Variants in PAX5 observed in about 807,000 individuals in gnomAD.
PAX5 encodes paired box protein Pax-5.
A neutral mutation model predicts 43.7 loss-of-function variants in PAX5; 9 were observed. That is an observed-to-expected ratio of 0.21 (90% CI 0.12 to 0.36). The LOEUF is 0.36. Among genes scored for constraint, PAX5 ranks in the 10% least tolerant of loss-of-function variants. The probability of loss-of-function intolerance (pLI) is 1.00; values close to 1 mark genes in which losing one functional copy is unlikely to be tolerated. For synonymous variants in PAX5, 228 were observed against 214.3 expected (o/e 1.06, Z -0.56); for missense variants, 383 against 532.7 (o/e 0.72, Z 2.77).
At chr9:36,875,412 G>A (rs371122044) in intron 8 of PAX5, among the ~76,000 whole-genome samples, 26 of 152,310 alleles carry the variant, frequency 1.7e-4, no homozygotes, top group South Asian at 8.3e-4. Flanking sequence ...AAGAGAAGCC[G>A]GAGGGGAACG....
chr9:36,843,080 CTGTGTGTGTGTGCG>C (rs926981786), intron 9 of PAX5, among the ~76,000 whole-genome samples: 4 of 150,010 alleles, frequency 2.7e-5, no homozygotes, highest in South Asian at 4.3e-4. Context: ...GTGTGTGTGC[CTGTGTGTGTGTGCG>C]TGTGTGTGTG....
In PAX5 at chr9:36,876,639, T is replaced by C. The variant is rs572475493; in HGVS notation, c.1012+5365A>G. On this transcript the variant is annotated intron_variant, in intron 8 of 9. Coordinates refer to ENST00000358127, the MANE Select transcript of PAX5 (RefSeq NM_016734.3). The stretch of plus-strand genomic sequence containing the variant: ...ACACCAATCAAGACACTATGAAATC[T>C]TTGGTGCAAAATTTTCGGCATTTTC... Among the ~76,000 whole-genome samples the C allele has an allele frequency of 5.3e-5, 8 of 152,358 alleles. No homozygotes were observed. In the South Asian group the frequency reaches 1.7e-3, roughly 32 times the overall value.
chr9:36,936,108 A>C (rs1272292945), intron 6 of PAX5, among the ~76,000 whole-genome samples: 10 of 152,222 alleles, frequency 6.6e-5, no homozygotes. Context: ...CCAGTGTGCT[A>C]TTTGCAAGCT....
chr9:36,945,559 T>C (rs1270847189), intron 6 of PAX5, among the ~76,000 whole-genome samples: 2 of 152,216 alleles, frequency 1.3e-5, no homozygotes, highest in African/African-American at 2.4e-5. Context: ...ATGACATCTA[T>C]GCCAAGATAA....
chr9:36,926,508 C>A (rs1293841612), intron 6 of PAX5, among the ~76,000 whole-genome samples: 4 of 152,244 alleles, frequency 2.6e-5, no homozygotes, highest in Non-Finnish European at 5.9e-5. Context: ...TAGACTTCCT[C>A]TTCTGTAGAA....
rs550583579 is a variant in PAX5, at chr9:36,884,212, A to G, written c.911-2107T>C. Reference sequence around the variant, plus strand: ...AAAGGCAGCACACAAAAAATTAAAGACTAGTCTCACAATTTGTTAATATAC... The same window carrying G: ...AAAGGCAGCACACAAAAAATTAAAGGCTAGTCTCACAATTTGTTAATATAC... On this transcript the variant is annotated intron_variant, in intron 7 of 9. Transcript: ENST00000358127. Among the ~76,000 whole-genome samples, 75 of 152,326 alleles carry G rather than the reference A, an allele frequency of 4.9e-4. No homozygotes were observed. The South Asian group carries it at 0.015, about 29-fold the overall frequency.
intron 9 of PAX5, among the ~76,000 whole-genome samples, chr9:36,841,583 A>G (rs1822057569): frequency 6.6e-6 from 1 of 152,182 alleles, no homozygotes; most frequent in African/African-American, 2.4e-5. Context: ...AGAGCCCCCA[A>G]AAGGCAGAAG....
intron 5 of PAX5, among the ~76,000 whole-genome samples, chr9:36,981,195 CCTCAG>C (rs1564035504): frequency 2.6e-4 from 38 of 145,312 alleles, no homozygotes; most frequent in South Asian, 1.1e-3. Context: ...GCCCCCCCCC[CCTCAG>C]CCCTGCTTCA....
At chr9:36,864,788 C>G (rs1362685647) in intron 8 of PAX5, among the ~76,000 whole-genome samples, 1 of 152,218 alleles carries the variant, frequency 6.6e-6, no homozygotes, top group African/African-American at 2.4e-5. Context: ...TCTAGAGGTG[C>G]CCCTCGGAGC....
At chr9:36,960,164 G>A (rs919625976) in intron 6 of PAX5, among the ~76,000 whole-genome samples, 2 of 152,226 alleles carry the variant, frequency 1.3e-5, no homozygotes, top group South Asian at 4.1e-4. Context: ...CCCGGACAGG[G>A]TAGGATTTAG....
At chr9:36,854,626 C>T (rs1167258957) in intron 8 of PAX5, among the ~76,000 whole-genome samples, 1 of 152,182 alleles carries the variant, frequency 6.6e-6, no homozygotes, top group Non-Finnish European at 1.5e-5. Context: ...CAAGCCTCTC[C>T]CCCTCGCAGG....
intron 8 of PAX5, among the ~76,000 whole-genome samples, chr9:36,877,164 C>T (rs994227391): frequency 1.2e-4 from 18 of 152,066 alleles, no homozygotes; most frequent in Non-Finnish European, 1.3e-4. Flanking sequence ...TGGCAAAACC[C>T]GTCTCTACAA....
At chr9:36,941,777 C>T (rs944964012) in intron 6 of PAX5, among the ~76,000 whole-genome samples, 21 of 32,564 alleles carry the variant, frequency 6.4e-4, no homozygotes, top group Non-Finnish European at 8.5e-4. Context: ...GAATATGAAG[C>T]GGTGGAGGTG....
chr9:36,910,359 A>G (rs1829166503), intron 7 of PAX5, among the ~76,000 whole-genome samples: 2 of 152,204 alleles, frequency 1.3e-5, no homozygotes, highest in Admixed American at 6.5e-5. Flanking sequence ...TCAAAGATAC[A>G]TTATTTACAT....
intron 7 of PAX5, among the ~76,000 whole-genome samples, chr9:36,909,669 A>G (rs1829092084): frequency 6.6e-6 from 1 of 152,110 alleles, no homozygotes; most frequent in Non-Finnish European, 1.5e-5. Context: ...TGAAGCTGCC[A>G]GGTGGGGTGT....
chr9:37,019,543 T>C (rs1839685114), intron 2 of PAX5, among the ~76,000 whole-genome samples: 1 of 152,192 alleles, frequency 6.6e-6, no homozygotes, highest in South Asian at 2.1e-4. Flanking sequence ...GCTCCTTCCA[T>C]CTGAGAGAAT....
chr9:36,863,042 G>A (rs57598087), intron 8 of PAX5, among the ~76,000 whole-genome samples: 1,576 of 152,270 alleles, frequency 0.01, 26 homozygotes, highest in African/African-American at 0.036. Flanking sequence ...AAGTCCTGGC[G>A]TGGGGCTTCA....
intron 8 of PAX5, among the ~76,000 whole-genome samples, chr9:36,866,664 C>T (rs75377918): frequency 0.018 from 2,777 of 152,058 alleles, 33 homozygotes; most frequent in Middle Eastern, 0.058. Flanking sequence ...TTTATTGCTT[C>T]GGTGAGGAAC....
chr9:36,882,039 C>T lies in PAX5; in HGVS notation c.977G>A (p.Ser326Asn), dbSNP rs540811536. 1.2e-5 allele frequency: 19 copies of T among 1,613,134 alleles called. No individual in the cohort carries two copies. The East Asian group carries it at 4.2e-4, about 36-fold the overall frequency. ...CCCTGTCAGCGTCGGTGCTGAGTAG[C>T]TGCCCTGTCCAGCGGGGGGGACGTG... ...PPHVPPAGQG[S>N]YSAPTLTGMV... Residue 326 changes from serine (S) to asparagine (N), a missense_variant, in exon 8 of 10, where the codon AGC becomes AAC. By Grantham distance (46) the Ser-to-Asn change is conservative. Coordinates refer to ENST00000358127, the MANE Select transcript of PAX5 (RefSeq NM_016734.3). This position sits in a 1 kb window ranked among gnomAD's most constrained non-coding sequence, Gnocchi z 4.4.
Sources: allele counts gnomAD v4.1 joint callset (sites outside exome capture counted in the v4.1 genomes callset), GRCh38; gene constraint gnomAD v4.1.1; non-coding constraint Gnocchi (gnomAD v3.1); transcripts MANE v1.5; gene names NCBI Gene and HGNC (gene_info 2026-07-23, HGNC 2026-07-21).